The following ANKRD30B variants were observed in gnomAD, a reference collection of about 807,000 sequenced individuals.
ANKRD30B encodes ankyrin repeat domain-containing protein 30B.
In ANKRD30B, 144 loss-of-function variants were observed where a neutral mutation model predicts 202.2. The observed-to-expected ratio is 0.71, with a 90% confidence interval of 0.62 to 0.82. The LOEUF (loss-of-function observed/expected upper bound fraction) is 0.82, where lower values mean the gene tolerates loss of function less well. Among genes scored for constraint, ANKRD30B ranks in the 40% least tolerant of loss-of-function variants. The pLI, the probability that ANKRD30B is intolerant of heterozygous loss-of-function variation, is 0.00. For missense variants in ANKRD30B, 1,487 were observed against 1,669.1 expected (o/e 0.89, Z 1.90); for synonymous variants, 508 against 561.3 (o/e 0.91, Z 1.34).
chr18:14,927,497 C>T, the ANKRD30B span, among the ~76,000 whole-genome samples: 346 of 152,314 alleles, frequency 2.3e-3, 1 homozygote, highest in Non-Finnish European at 4.0e-3. Context: ...CCAACACCTT[C>T]CTAACCAGCT....
Position 14,763,743 on chromosome 18 carries a change from A to C in ANKRD30B, c.878A>C (p.Asp293Ala). 1 of 1,614,056 alleles carries C rather than the reference A, an allele frequency of 6.2e-7. No homozygotes were observed. Among genetic ancestry groups the C allele is most frequent in the South Asian group, 1.1e-5 (1 of 91,038 alleles). Residue 293 changes from aspartate to alanine, a missense_variant, in exon 7 of 44, where the codon GAC (aspartate) becomes GCC (alanine). By Grantham distance (126) the Asp-to-Ala change is moderately radical (BLOSUM62 -2). Transcript: ENST00000690538. The stretch of plus-strand genomic sequence containing the variant: ...GCACCCTTGGCGGAAAGAACACCTG[A>C]CACGGCTGAAAGCTTGCTGGAAAAA... Reference protein sequence around the residue: ...EAAPLAERTPDTAESLLEKTP... With the variant: ...EAAPLAERTPATAESLLEKTP...
chr18:14,932,761 C>T, the ANKRD30B span, among the ~76,000 whole-genome samples: 1 of 152,194 alleles, frequency 6.6e-6, no homozygotes, highest in African/African-American at 2.4e-5. Flanking sequence ...TTTGCACTGC[C>T]AGAAGCCCCT....
the ANKRD30B span, among the ~76,000 whole-genome samples, chr18:14,936,508 C>T: frequency 6.6e-6 from 1 of 152,076 alleles, no homozygotes; most frequent in African/African-American, 2.4e-5. Flanking sequence ...GCAGTGCCTG[C>T]CCCCAAGGAC....
chr18:14,816,888 C>CA (rs1970139135), intron 30 of ANKRD30B: 1 of 152,144 alleles, frequency 6.6e-6, no homozygotes, highest in Non-Finnish European at 1.5e-5. Flanking sequence ...TGCGTGTTCT[C>CA]ACTCATAGGT....
intron 15 of ANKRD30B, among the ~76,000 whole-genome samples, chr18:14,789,672 C>G (rs958107976): frequency 3.1e-4 from 47 of 152,060 alleles, no homozygotes; most frequent in Non-Finnish European, 5.9e-4. Flanking sequence ...GCTTGTTTTT[C>G]TCAGGTTTGT....
chr18:14,796,319 T>C, intron 17 of ANKRD30B, 24 bp from the exon 18 acceptor site: 4 of 1,607,558 alleles, frequency 2.5e-6, no homozygotes, highest in Non-Finnish European at 3.4e-6. Context: ...ATGTATTAAT[T>C]TTTGTGTTTC....
At chr18:14,940,294 T>G in the ANKRD30B span, among the ~76,000 whole-genome samples, 2 of 151,908 alleles carry the variant, frequency 1.3e-5, no homozygotes, top group South Asian at 4.1e-4. Context: ...AGTTTCTGGA[T>G]GCAGCATCTC....
chr18:14,774,061 T>C (rs541443492), intron 9 of ANKRD30B, among the ~76,000 whole-genome samples: 1 of 152,136 alleles, frequency 6.6e-6, no homozygotes, highest in South Asian at 2.1e-4. Context: ...CCATTTTAAA[T>C]TTTTTCTCTC....
rs531746448 is a variant in ANKRD30B at position 14,824,758 on chromosome 18, T to C, written c.2743+2081T>C. ...TTCTGGTCATGGTATAAACCAGACATTGGCAAACTTTTCTTGTAAAGTGCC... is the reference window on the plus strand; with the variant it reads ...TTCTGGTCATGGTATAAACCAGACACTGGCAAACTTTTCTTGTAAAGTGCC... On this transcript the variant is annotated intron_variant, in intron 32 of 43. Transcript: ENST00000690538. Among the ~76,000 whole-genome samples the C allele has an allele frequency of 1.1e-3, 163 of 152,354 alleles. 1 individual carries two copies. Among genetic ancestry groups the C allele is most frequent in the Non-Finnish European group, 1.4e-3 (92 of 68,032 alleles).
At chr18:14,773,563 C>G (rs1420338893) in intron 9 of ANKRD30B, among the ~76,000 whole-genome samples, 1 of 151,794 alleles carries the variant, frequency 6.6e-6, no homozygotes, top group African/African-American at 2.4e-5. Flanking sequence ...AGAAGACAAT[C>G]AGAGATATGT....
chr18:14,819,683 C>T (rs1049582492), intron 30 of ANKRD30B, among the ~76,000 whole-genome samples: 2 of 151,736 alleles, frequency 1.3e-5, no homozygotes, highest in East Asian at 1.9e-4. Flanking sequence ...AGATATGTGG[C>T]GTTATTTCTG....
chr18:14,777,814 C>T (rs138504758), intron 9 of ANKRD30B, among the ~76,000 whole-genome samples, 171 bp from the exon 10 acceptor site: 4,609 of 151,710 alleles, frequency 0.03, 257 homozygotes, highest in African/African-American at 0.11. Flanking sequence ...GTGGTGGCTC[C>T]TGCCTGTAGT....
the ANKRD30B span, among the ~76,000 whole-genome samples, chr18:14,922,266 C>A: frequency 6.6e-6 from 1 of 152,210 alleles, no homozygotes; most frequent in African/African-American, 2.4e-5. Context: ...CCAGCCCTAG[C>A]CAGAGGGGTA....
At chr18:14,788,173 C>T (rs777804048) in intron 15 of ANKRD30B, among the ~76,000 whole-genome samples, 2 of 152,034 alleles carry the variant, frequency 1.3e-5, no homozygotes, top group Non-Finnish European at 2.9e-5. Context: ...TGTGTCATGG[C>T]AAGTAGAAAA....
chr18:14,876,808 G>A, the ANKRD30B span, among the ~76,000 whole-genome samples: 2 of 152,300 alleles, frequency 1.3e-5, no homozygotes, highest in South Asian at 2.1e-4. Context: ...AAGGCATGGG[G>A]ATACCCTTAA....
chr18:14,867,896 G>C, the ANKRD30B span, among the ~76,000 whole-genome samples: 5 of 152,356 alleles, frequency 3.3e-5, no homozygotes, highest in East Asian at 9.7e-4. Context: ...TCTGCATCCT[G>C]TTGTAGGTTT....
chr18:14,908,038 T>C, the ANKRD30B span, among the ~76,000 whole-genome samples: 1 of 152,228 alleles, frequency 6.6e-6, no homozygotes, highest in Admixed American at 6.5e-5. Context: ...AGATGGTTGA[T>C]GCTTTTATAC....
intron 37 of ANKRD30B, among the ~76,000 whole-genome samples, chr18:14,842,233 A>G (rs991135579): frequency 3.3e-5 from 5 of 152,262 alleles, no homozygotes; most frequent in Non-Finnish European, 5.9e-5. Flanking sequence ...TGAGTTTTAT[A>G]GTATTTTTTG....
At chr18:14,825,026 A>G (rs1398059106) in intron 32 of ANKRD30B, 1 of 152,178 alleles carries the variant, frequency 6.6e-6, no homozygotes, top group Non-Finnish European at 1.5e-5. Context: ...ACTAGCTTTA[A>G]GCAGCTTTTT....
Sources: gnomAD v4.1 joint callset for allele counts (sites outside exome capture counted in the v4.1 genomes callset) on GRCh38, gnomAD v4.1.1 for gene constraint, MANE v1.5 for transcripts, NCBI Gene and HGNC (gene_info 2026-07-23, HGNC 2026-07-21) for gene names.